The following PHF24 variants were observed in gnomAD, a reference collection of about 807,000 sequenced individuals.
PHF24 encodes Galpha inhibitory interacting protein.
In PHF24, 25 loss-of-function variants were observed where a neutral mutation model predicts 42.6. The ratio of observed to expected loss-of-function variants is 0.59; its 90% CI spans 0.43 to 0.82. The LOEUF (loss-of-function observed/expected upper bound fraction) is 0.82, where lower values mean the gene tolerates loss of function less well. Ranked by LOEUF, PHF24 falls within the 40% of genes least tolerant of loss-of-function variation. PHF24 has a pLI of 0.00. For missense variants in PHF24, 470 were observed against 538.1 expected (o/e 0.87, Z 1.25); for synonymous variants, 185 against 204.8 (o/e 0.90, Z 0.83).
the PHF24 span, among the ~76,000 whole-genome samples, chr9:34,677,389 G>GTTTTTTTTTTTTTTTTTTTTTT: frequency 7.9e-4 from 63 of 79,762 alleles, 5 homozygotes; most frequent in Admixed American, 1.5e-3. Flanking sequence ...TTTGTAAACT[G>GTTTTTTTTTTTTTTTTTTTTTT]TTTTTTTTTT....
At chr9:34,726,158 C>T in the PHF24 span, 43,497 of 1,243,260 alleles carry the variant, frequency 0.035, 2,582 homozygotes, top group African/African-American at 0.18. Context: ...CACACATGAA[C>T]ACCAGGTCTG....
At chr9:34,873,704 A>T in the PHF24 span, among the ~76,000 whole-genome samples, 1 of 149,576 alleles carries the variant, frequency 6.7e-6, no homozygotes, top group Non-Finnish European at 1.5e-5. Flanking sequence ...TTTTGGTTCC[A>T]TATGAACTTT....
chr9:34,757,448 G>A, the PHF24 span, among the ~76,000 whole-genome samples: 2 of 152,090 alleles, frequency 1.3e-5, no homozygotes, highest in African/African-American at 4.8e-5. Context: ...GGTTTTCTAT[G>A]TATAATATGT....
At chr9:34,717,750 T>G in the PHF24 span, among the ~76,000 whole-genome samples, 1 of 152,274 alleles carries the variant, frequency 6.6e-6, no homozygotes, top group African/African-American at 2.4e-5. Flanking sequence ...GGATTTGGAC[T>G]GCATTTGTAT....
At chr9:34,859,404 G>T in the PHF24 span, among the ~76,000 whole-genome samples, 1 of 152,158 alleles carries the variant, frequency 6.6e-6, no homozygotes, top group Non-Finnish European at 1.5e-5. Flanking sequence ...GACCAAGACT[G>T]CCATACTGGA....
At chr9:34,906,122 T>G in the PHF24 span, among the ~76,000 whole-genome samples, 6 of 151,972 alleles carry the variant, frequency 3.9e-5, no homozygotes, top group East Asian at 1.2e-3. Context: ...TTGTTGAGGG[T>G]GTTGGGGCTG....
At chr9:34,774,279 G>A in the PHF24 span, among the ~76,000 whole-genome samples, 3 of 152,104 alleles carry the variant, frequency 2.0e-5, no homozygotes, top group Admixed American at 6.6e-5. Flanking sequence ...TTTGTGCATC[G>A]AAAGACACTA....
At chr9:34,889,377 G>T in the PHF24 span, 2 of 398,418 alleles carry the variant, frequency 5.0e-6, no homozygotes, top group Non-Finnish European at 8.8e-6. Flanking sequence ...GGCACTGGGG[G>T]CATCACAGAA....
At chr9:34,825,306 G>A in the PHF24 span, among the ~76,000 whole-genome samples, 80,498 of 151,772 alleles carry the variant, frequency 0.53, 23,153 homozygotes, top group Non-Finnish European at 0.64. Context: ...TGACCCTGAC[G>A]TTCTTTAAGA....
At chr9:34,851,046 G>C in the PHF24 span, among the ~76,000 whole-genome samples, 1 of 152,152 alleles carries the variant, frequency 6.6e-6, no homozygotes, top group Non-Finnish European at 1.5e-5. Flanking sequence ...TCGGGGGTCA[G>C]GGGTCAGGGA....
the PHF24 span, among the ~76,000 whole-genome samples, chr9:34,707,727 C>CCT: frequency 2.6e-5 from 4 of 151,258 alleles, no homozygotes; most frequent in Non-Finnish European, 4.4e-5. Flanking sequence ...TCTTCTCCTC[C>CCT]TTTTTTTTTC....
the PHF24 span, among the ~76,000 whole-genome samples, chr9:34,767,895 T>C: frequency 6.6e-6 from 1 of 152,230 alleles, no homozygotes; most frequent in African/African-American, 2.4e-5. Context: ...CACTTCACTT[T>C]CATGCGGTAT....
intron 1 of PHF24, among the ~76,000 whole-genome samples, chr9:34,961,763 C>G (rs1826596345): frequency 6.6e-6 from 1 of 152,106 alleles, no homozygotes; most frequent in Non-Finnish European, 1.5e-5. Context: ...TGTAAACTGA[C>G]CACATTTTTG....
chr9:34,725,042 T>C, the PHF24 span: 4 of 1,552,034 alleles, frequency 2.6e-6, no homozygotes, highest in East Asian at 9.8e-5. Flanking sequence ...AACTTTGTGA[T>C]GCAGGTCCGG....
the PHF24 span, among the ~76,000 whole-genome samples, chr9:34,676,013 G>A: frequency 6.6e-6 from 1 of 152,168 alleles, no homozygotes; most frequent in Admixed American, 6.5e-5. Context: ...TAGGTGGGGC[G>A]GGGAAAGGGC....
the PHF24 span, among the ~76,000 whole-genome samples, chr9:34,682,701 T>C: frequency 6.6e-6 from 1 of 152,312 alleles, no homozygotes. Context: ...AAAAGTCACA[T>C]ACTAATTTTC....
chr9:34,709,129 A>G, the PHF24 span: 3 of 554,890 alleles, frequency 5.4e-6, no homozygotes. Context: ...TCAAGGGGAC[A>G]GTCCTGCTGC....
At chr9:34,908,991 G>A in the PHF24 span, among the ~76,000 whole-genome samples, 1 of 151,510 alleles carries the variant, frequency 6.6e-6, no homozygotes, top group Non-Finnish European at 1.5e-5. Flanking sequence ...GGGATTACAG[G>A]GTGCCTGCCA....
the PHF24 span, among the ~76,000 whole-genome samples, chr9:34,784,767 A>G: frequency 6.6e-6 from 1 of 152,158 alleles, no homozygotes. Context: ...TGTAAGACAT[A>G]TGTTTTCTTA....
Sources: allele counts gnomAD v4.1 joint callset (sites outside exome capture counted in the v4.1 genomes callset), GRCh38; gene constraint gnomAD v4.1.1; transcripts MANE v1.5; gene names NCBI Gene and HGNC (gene_info 2026-07-23, HGNC 2026-07-21).